The following KCNK2 variants were observed in gnomAD, a reference collection of about 807,000 sequenced individuals.
KCNK2 encodes the protein potassium channel subfamily K member 2.
Under a neutral mutation model 40.5 loss-of-function variants are expected in KCNK2, and 21 were observed. That is an observed-to-expected ratio of 0.52 (90% CI 0.37 to 0.75). The LOEUF (loss-of-function observed/expected upper bound fraction) is 0.75. Among genes scored for constraint, KCNK2 ranks in the 30% least tolerant of loss-of-function variants. The probability of loss-of-function intolerance (pLI) is 0.00; values close to 1 mark genes in which losing one functional copy is unlikely to be tolerated. For synonymous variants in KCNK2, 191 were observed against 202.2 expected (o/e 0.94, Z 0.47); for missense variants, 399 against 531.6 (o/e 0.75, Z 2.45).
intron 6 of KCNK2, among the ~76,000 whole-genome samples, chr1:215,217,953 T>C (rs1440485604): frequency 6.6e-6 from 1 of 152,124 alleles, no homozygotes; most frequent in Non-Finnish European, 1.5e-5. Context: ...AAGACTCTAA[T>C]AGGAAACATG....
chr1:215,195,297 T>G (rs186845428), intron 6 of KCNK2, among the ~76,000 whole-genome samples: 79 of 152,214 alleles, frequency 5.2e-4, no homozygotes, highest in Admixed American at 4.5e-3. Flanking sequence ...TGCCAATTGC[T>G]GTCTCAGAAC....
At chr1:215,216,564 A>T (rs929857379) in intron 6 of KCNK2, among the ~76,000 whole-genome samples, 1 of 130,122 alleles carries the variant, frequency 7.7e-6, no homozygotes, top group Non-Finnish European at 1.7e-5. Flanking sequence ...TTGTATTTCT[A>T]TTTCCAATAA....
At chr1:215,058,324 A>G (rs571872072) in intron 1 of KCNK2, among the ~76,000 whole-genome samples, 1 of 152,304 alleles carries the variant, frequency 6.6e-6, no homozygotes, top group African/African-American at 2.4e-5. Flanking sequence ...TTTTAGCAGC[A>G]GGAGCTGAGA....
intron 1 of KCNK2, among the ~76,000 whole-genome samples, chr1:215,068,788 C>T (rs1332182474): frequency 3.3e-5 from 5 of 152,136 alleles, no homozygotes; most frequent in African/African-American, 4.8e-5. Context: ...GTAGTATATA[C>T]ATATTATACC....
intron 1 of KCNK2, among the ~76,000 whole-genome samples, chr1:215,021,914 T>C (rs1656811030): frequency 6.6e-6 from 1 of 152,120 alleles, no homozygotes; most frequent in Non-Finnish European, 1.5e-5. Flanking sequence ...GTTCTGATAT[T>C]GTACCAGCAG....
At chr1:215,167,358 A>G (rs1040057968) in intron 3 of KCNK2, among the ~76,000 whole-genome samples, 3 of 151,876 alleles carry the variant, frequency 2.0e-5, no homozygotes, top group Non-Finnish European at 4.4e-5. Context: ...CAATCCCAAA[A>G]TATCTGCTCA....
chr1:215,162,711 G>T (rs1663257880), intron 3 of KCNK2, among the ~76,000 whole-genome samples: 1 of 152,076 alleles, frequency 6.6e-6, no homozygotes, highest in Non-Finnish European at 1.5e-5. Flanking sequence ...TGTCAGGTTT[G>T]TCAAAGATCA....
intron 1 of KCNK2, among the ~76,000 whole-genome samples, chr1:215,073,491 T>A (rs180958545): frequency 6.7e-4 from 102 of 152,190 alleles, no homozygotes; most frequent in Admixed American, 1.2e-3. Flanking sequence ...TTTACTGAGG[T>A]CCGAAGGATA....
intron 1 of KCNK2, among the ~76,000 whole-genome samples, chr1:215,033,291 G>C (rs139528640): frequency 6.6e-6 from 1 of 151,350 alleles, no homozygotes; most frequent in East Asian, 1.9e-4. Flanking sequence ...ACTTCAATTA[G>C]AGTCCTCAGC....
chr1:215,081,791 G>T (rs538728863), upstream of KCNK2: 1 of 152,132 alleles, frequency 6.6e-6, no homozygotes, highest in Non-Finnish European at 1.5e-5. Flanking sequence ...ACTACATCAC[G>T]TGTGTTGTTA....
At chr1:215,098,728 T>C (rs748961961) in intron 2 of KCNK2, among the ~76,000 whole-genome samples, 2 of 151,970 alleles carry the variant, frequency 1.3e-5, no homozygotes, top group Admixed American at 6.6e-5. Context: ...AAGGAATCAA[T>C]TATCTTTCAG....
At position 215,149,708 on chromosome 1, in the gene KCNK2, CAT is replaced by C. The variant is rs569680994; in HGVS notation, c.476-19490_476-19489del. On this transcript the variant is annotated intron_variant, in intron 3 of 6. Transcript: ENST00000444842. ...ATAAGTACGAAGTGCAGATAAAACT[CAT>C]GTGCAGAAGAGATTTTGAAAGATAA... is the stretch of plus-strand genomic sequence containing the variant. Among the ~76,000 whole-genome samples the C allele has an allele frequency of 3.9e-4, 59 of 152,260 alleles. No homozygotes were observed. The East Asian group carries it at 0.01, about 27-fold the overall frequency.
chr1:215,086,118 G>A (rs1659421201), intron 1 of KCNK2, among the ~76,000 whole-genome samples: 1 of 151,996 alleles, frequency 6.6e-6, no homozygotes. Flanking sequence ...AAGTTTCTTG[G>A]TTCGACTCCA....
At chr1:215,172,880 C>G (rs1663780785) in intron 5 of KCNK2, among the ~76,000 whole-genome samples, 1 of 152,008 alleles carries the variant, frequency 6.6e-6, no homozygotes. Context: ...TGGTCTTGAA[C>G]TCCTGAACTT....
chr1:215,162,454 G>C (rs1225028120), intron 3 of KCNK2, among the ~76,000 whole-genome samples: 1 of 152,090 alleles, frequency 6.6e-6, no homozygotes, highest in African/African-American at 2.4e-5. Flanking sequence ...TTTGACTTTT[G>C]TTGCCATTGC....
intron 1 of KCNK2, among the ~76,000 whole-genome samples, chr1:215,050,503 A>G (rs1239196124): frequency 2.0e-5 from 3 of 152,196 alleles, no homozygotes; most frequent in African/African-American, 7.2e-5. Context: ...TACTTCGTTC[A>G]TTCATATTTT....
At chr1:215,229,828 C>T (rs34938215) in intron 6 of KCNK2, among the ~76,000 whole-genome samples, 1 of 151,580 alleles carries the variant, frequency 6.6e-6, no homozygotes, top group African/African-American at 2.4e-5. Flanking sequence ...CTTAATGTAA[C>T]CCGCTATAGG....
intron 3 of KCNK2, among the ~76,000 whole-genome samples, chr1:215,125,525 C>G (rs1471307440): frequency 6.6e-6 from 1 of 151,640 alleles, no homozygotes; most frequent in Non-Finnish European, 1.5e-5. Context: ...ACAGTGAAAG[C>G]TATGTTTGTG....
intron 1 of KCNK2, among the ~76,000 whole-genome samples, chr1:215,076,902 CAAG>C (rs1253801275): frequency 6.6e-6 from 1 of 152,192 alleles, no homozygotes; most frequent in Non-Finnish European, 1.5e-5. Context: ...CTGGCTTAAA[CAAG>C]AAGAATATGT....
Sources: allele counts gnomAD v4.1 joint callset (sites outside exome capture counted in the v4.1 genomes callset), GRCh38; gene constraint gnomAD v4.1.1; transcripts MANE v1.5; gene names NCBI Gene and HGNC (gene_info 2026-07-23, HGNC 2026-07-21).